Variants in PKHD1 observed in about 807,000 individuals in gnomAD.
The protein encoded by PKHD1 is fibrocystin.
A neutral mutation model predicts 412.0 loss-of-function variants in PKHD1; 291 were observed. That is an observed-to-expected ratio of 0.71 (90% CI 0.64 to 0.78). The LOEUF (loss-of-function observed/expected upper bound fraction) is 0.78. PKHD1 is among the 30% of genes least tolerant of loss of function. The pLI is 0.00. For missense variants in PKHD1, 4,825 were observed against 4,950.7 expected (o/e 0.97, Z 0.76); for synonymous variants, 1,777 against 1,821.5 (o/e 0.98, Z 0.62).
intron 60 of PKHD1, among the ~76,000 whole-genome samples, chr6:51,729,623 G>A (rs1328351330): frequency 6.6e-6 from 1 of 152,128 alleles, no homozygotes; most frequent in African/African-American, 2.4e-5. Context: ...CAGAGCTTTA[G>A]GTGGTAGCCA....
chr6:51,892,026 C>T (rs1165965804), intron 43 of PKHD1, among the ~76,000 whole-genome samples: 3 of 152,154 alleles, frequency 2.0e-5, no homozygotes, highest in Admixed American at 6.5e-5. Context: ...CACTGTGGGT[C>T]CCAAAGGTTC....
chr6:52,052,835 G>A (rs1807080395), intron 21 of PKHD1, among the ~76,000 whole-genome samples: 1 of 152,068 alleles, frequency 6.6e-6, no homozygotes, highest in South Asian at 2.1e-4. Flanking sequence ...TGGGAAAACT[G>A]GAGTAAGAAT....
intron 11 of PKHD1, among the ~76,000 whole-genome samples, chr6:52,068,632 T>C (rs1383551898): frequency 6.6e-6 from 1 of 152,234 alleles, no homozygotes; most frequent in East Asian, 1.9e-4. Context: ...GAAATTAATA[T>C]TGAGATTGTA....
Position 51,903,585 on chromosome 6 carries a change from T to G in PKHD1, c.6996+12A>C, listed in dbSNP as rs746624888. 1.2e-6 allele frequency: 2 copies of G among 1,607,940 alleles called. No homozygotes were observed. Among genetic ancestry groups the G allele is most frequent in the African/African-American group, 2.7e-5 (2 of 74,664 alleles). Reference sequence around the variant, plus strand: ...TCAGTTCTGGTCTTCCTGGTAGAGCTGAACATCTTACCTCTATAACATTGG... The same window carrying G: ...TCAGTTCTGGTCTTCCTGGTAGAGCGGAACATCTTACCTCTATAACATTGG... On this transcript the variant is annotated intron_variant, in intron 43 of 66. Coordinates refer to ENST00000371117, the MANE Select transcript of PKHD1 (RefSeq NM_138694.4).
chr6:51,692,223 T>C (rs1183219532), intron 60 of PKHD1, among the ~76,000 whole-genome samples: 1 of 151,306 alleles, frequency 6.6e-6, no homozygotes, highest in Non-Finnish European at 1.5e-5. Context: ...CACTTTTGCT[T>C]CTGGAAAGTT....
At chr6:51,956,620 T>C (rs924907947) in intron 36 of PKHD1, among the ~76,000 whole-genome samples, 1 of 151,990 alleles carries the variant, frequency 6.6e-6, no homozygotes, top group Admixed American at 6.6e-5. Flanking sequence ...TAATATACCA[T>C]GTGATGATAA....
chr6:51,981,728 C>T (rs1335620193), intron 35 of PKHD1, among the ~76,000 whole-genome samples: 5 of 143,734 alleles, frequency 3.5e-5, no homozygotes, highest in Non-Finnish European at 6.3e-5. Context: ...GCAGCCTCTG[C>T]CCAGCCGCCA....
chr6:51,886,781 A>T (rs1028848657), intron 44 of PKHD1, among the ~76,000 whole-genome samples: 1 of 152,232 alleles, frequency 6.6e-6, no homozygotes, highest in East Asian at 1.9e-4. Context: ...TTCTATACTT[A>T]AAAATTTGCT....
chr6:51,635,771 C>T (rs1581767259), intron 64 of PKHD1, among the ~76,000 whole-genome samples: 1 of 148,240 alleles, frequency 6.7e-6, no homozygotes, highest in Non-Finnish European at 1.5e-5. Context: ...GAGTTAGCCA[C>T]GTGACTTTCT....
intron 40 of PKHD1, 143 bp downstream of exon 40, chr6:51,909,139 TG>T: frequency 2.7e-6 from 2 of 729,340 alleles, no homozygotes. Flanking sequence ...TACTGAAGTT[TG>T]GGAACCATAG....
chr6:51,659,392 T>C lies in PKHD1; in HGVS notation c.10734A>G (p.Ile3578Met). 1 of 1,613,742 alleles carries C rather than the reference T, an allele frequency of 6.2e-7. No individual in the cohort carries two copies. The highest frequency in any genetic ancestry group is 1.3e-5 in the African/African-American group (1 of 75,014). Residue 3578 changes from isoleucine (I) to methionine (M), a missense_variant, in exon 61 of 67, where the codon ATA becomes ATG. Ile to Met is a conservative substitution (Grantham distance 10). Coordinates refer to ENST00000371117, the MANE Select transcript of PKHD1 (RefSeq NM_138694.4). ...AGTTAGTTAGTCTTTCGAGTATTAC[T>C]ATTTCCCAGCCTTTTTCTAAGACTG... ...MVSVLEKGWE[I>M]VILERLTNFL...
Position 52,010,858 on chromosome 6 carries a change from C to T in PKHD1, c.5601-399G>A, listed in dbSNP as rs1044490457. 6.6e-5 allele frequency among the ~76,000 whole-genome samples: 10 copies of T among 152,104 alleles called. No individual in the cohort carries two copies. The East Asian group carries it at 1.7e-3, about 26-fold the overall frequency. On this transcript the variant is annotated intron_variant, in intron 34 of 66. Transcript: ENST00000371117. ...TTCCCCTTCCCTCTTCCTGCTCTTA[C>T]TCATACTTAGTGTTGGGGGAGTAAT...
chr6:51,906,300 A>G lies in PKHD1; in HGVS notation c.6723T>C (p.Ser2241=), dbSNP rs2127636990. 1.2e-6 allele frequency: 2 copies of G among 1,609,130 alleles called. No individual in the cohort carries two copies. Among genetic ancestry groups the G allele is most frequent in the Non-Finnish European group, 1.7e-6 (2 of 1,175,692 alleles). Residue 2241 remains serine (S), a synonymous_variant, in exon 41 of 67, where the codon AGT becomes AGC. Transcript: ENST00000371117. ...AGGTCCCGCACATGCTGAGGCCTCTACTGAAGGAGTTCCTCACTGTGCAGC... is the reference window on the plus strand; with the variant it reads ...AGGTCCCGCACATGCTGAGGCCTCTGCTGAAGGAGTTCCTCACTGTGCAGC... ...IQGCTVRNSF[S]RGLSMCGTLG...
intron 52 of PKHD1, among the ~76,000 whole-genome samples, chr6:51,828,201 G>T (rs1052706478): frequency 5.9e-5 from 9 of 151,932 alleles, no homozygotes; most frequent in Non-Finnish European, 1.0e-4. Context: ...TTTGAAAAAA[G>T]AAAGATACAA....
chr6:51,706,767 T>TGAA (rs1267340724), intron 60 of PKHD1, among the ~76,000 whole-genome samples: 7 of 152,292 alleles, frequency 4.6e-5, no homozygotes, highest in African/African-American at 1.4e-4. Context: ...TGAATTTTAC[T>TGAA]TTAATTCTCT....
intron 20 of PKHD1, 143 bp from the exon 21 acceptor site, chr6:52,053,394 C>T: frequency 2.5e-6 from 2 of 796,672 alleles, no homozygotes; most frequent in Non-Finnish European, 4.2e-6. Flanking sequence ...CCAAGCAGTC[C>T]TGGGTGCCAA....
At chr6:51,743,878 A>C (rs1784869477) in intron 60 of PKHD1, among the ~76,000 whole-genome samples, 1 of 152,206 alleles carries the variant, frequency 6.6e-6, no homozygotes, top group African/African-American at 2.4e-5. Flanking sequence ...TGTTTGCATA[A>C]GCAAGAAGAG....
intron 37 of PKHD1, 83 bp from the exon 38 acceptor site, chr6:51,912,659 G>T (rs912566175): frequency 2.9e-5 from 28 of 972,810 alleles, no homozygotes; most frequent in Non-Finnish European, 4.1e-5. Flanking sequence ...TAAATGTGAT[G>T]TTATTTAGCC....
At position 51,748,350 on chromosome 6, in the gene PKHD1, A is replaced by C; in HGVS notation, c.9266T>G (p.Ile3089Ser). 6.2e-7 allele frequency: 1 copy of C among 1,614,070 alleles called. No homozygotes were observed. Among genetic ancestry groups the C allele is most frequent in the Non-Finnish European group, 8.5e-7 (1 of 1,179,950 alleles). ...TGCCACAACGTTGCCATGGAGGTTG[A>C]TGTCCTTTACCTGGTTCACTTTGAT... ...AGIKVNQVKD[I>S]NLHGNVVAGS... Residue 3089 changes from isoleucine (I) to serine (S), a missense_variant, in exon 58 of 67, where the codon ATC becomes AGC. Transcript: ENST00000371117.
Sources: allele counts gnomAD v4.1 joint callset (sites outside exome capture counted in the v4.1 genomes callset), GRCh38; gene constraint gnomAD v4.1.1; transcripts MANE v1.5; gene names NCBI Gene and HGNC (gene_info 2026-07-23, HGNC 2026-07-21).